The following COL6A5 variants were observed in gnomAD, a reference collection of about 807,000 sequenced individuals.
COL6A5 encodes collagen alpha-5(VI) chain.
In COL6A5, 48 loss-of-function variants were observed where a neutral mutation model predicts 65.6. The ratio of observed to expected loss-of-function variants is 0.73; its 90% CI spans 0.58 to 0.93. The LOEUF (loss-of-function observed/expected upper bound fraction) is 0.93. Ranked by LOEUF, COL6A5 falls within the 40% of genes least tolerant of loss-of-function variation. The pLI, the probability that COL6A5 is intolerant of heterozygous loss-of-function variation, is 0.00. For missense variants in COL6A5, 914 were observed against 928.3 expected (o/e 0.98, Z 0.20); for synonymous variants, 291 against 322.8 (o/e 0.90, Z 1.05).
chr3:130,413,943 C>A, intron 21 of COL6A5, 126 bp from the exon 22 acceptor site: 1 of 709,774 alleles, frequency 1.4e-6, no homozygotes, highest in Non-Finnish European at 2.4e-6. Context: ...AAATCCTAGG[C>A]CAAGTAGAGG....
rs143498997 is a variant in COL6A5, at chr3:130,356,022, T to G, written c.-29+10041T>G. 8.1e-3 allele frequency among the ~76,000 whole-genome samples: 1,234 copies of G among 152,280 alleles called. 9 individuals are homozygous for G. The highest frequency in any genetic ancestry group is 0.01 in the Non-Finnish European group (708 of 67,986). On this transcript the variant is annotated intron_variant and NMD_transcript_variant, in intron 1 of 41. Coordinates refer to the COL6A5 transcript ENST00000312481. ...AAAACTATATTAAATTGAGGTGTAG[T>G]GCATACTTTTTTCTGCCCTCCTCTT...
At chr3:130,470,101 C>A (rs1484718627) in intron 6 of COL6A5, among the ~76,000 whole-genome samples, 1 of 152,062 alleles carries the variant, frequency 6.6e-6, no homozygotes, top group Non-Finnish European at 1.5e-5. Context: ...GCCATAGGGA[C>A]AAATCTCCTC....
At chr3:130,421,728 C>T (rs1178299927) in intron 27 of COL6A5, among the ~76,000 whole-genome samples, 1 of 152,054 alleles carries the variant, frequency 6.6e-6, no homozygotes, top group Non-Finnish European at 1.5e-5. Context: ...TGAAAGATTA[C>T]AATATCCTTC....
At chr3:130,482,761 A>C (rs994933498) in intron 7 of COL6A5, among the ~76,000 whole-genome samples, 2 of 152,094 alleles carry the variant, frequency 1.3e-5, no homozygotes, top group Non-Finnish European at 2.9e-5. Flanking sequence ...CGTCCTTCAC[A>C]TCCCTTGTAA....
At position 130,455,558 on chromosome 3, in the gene COL6A5, G is replaced by C; in HGVS notation, c.1438G>C (p.Gly480Arg). The C allele has an allele frequency of 6.2e-7, 1 of 1,612,766 alleles. No individual in the cohort carries two copies. Among genetic ancestry groups the C allele is most frequent in the Non-Finnish European group, 8.5e-7 (1 of 1,179,180 alleles). ...ACCTTTTGTAAAGACGGAAGACAAT[G>C]GAAGTGACTATTTGGTTTACCTTCC... Residue 480 changes from glycine to arginine, a missense_variant, in exon 5 of 8, where the codon GGA becomes CGA. Transcript: ENST00000512836.
chr3:130,416,821 T>A lies in COL6A5; in HGVS notation c.4887+2T>A. 6.8e-7 allele frequency: 1 copy of A among 1,467,826 alleles called. No homozygotes were observed. The highest frequency in any genetic ancestry group is 9.2e-7 in the Non-Finnish European group (1 of 1,085,078). 90.9% of individuals were successfully genotyped at this position (1,467,826 alleles called of 1,614,324 possible). On this transcript the variant is annotated splice_donor_variant and NMD_transcript_variant, in intron 24 of 41. Coordinates refer to the COL6A5 transcript ENST00000312481. The stretch of plus-strand genomic sequence containing the variant: ...AGACCTGGACTTTTGGGGAAAAAAG[T>A]AGATATTATTTCTGTTTTTTAATTC...
At chr3:130,403,752 C>A (rs1335203940) in intron 13 of COL6A5, 90 bp downstream of exon 13, 3 of 1,021,852 alleles carry the variant, frequency 2.9e-6, no homozygotes, top group South Asian at 2.8e-5. Context: ...TTTTCTTTTT[C>A]ATAAAAAAAG....
chr3:130,421,232 C>T, intron 26 of COL6A5, 29 bp downstream of exon 26: 1 of 1,546,786 alleles, frequency 6.5e-7, no homozygotes, highest in Non-Finnish European at 8.8e-7. Context: ...TATTTTTATT[C>T]ATTGATGAAT....
intron 7 of COL6A5, 45 bp from the exon 8 acceptor site, chr3:130,394,845 C>A (rs144121100): frequency 4.9e-6 from 7 of 1,442,922 alleles, no homozygotes; most frequent in South Asian, 3.9e-5. Flanking sequence ...GGAAAAATTT[C>A]GAATGATTCA....
chr3:130,431,425 C>T (rs1164345265), upstream of COL6A5: 1 of 1,545,058 alleles, frequency 6.5e-7, no homozygotes, highest in Non-Finnish European at 8.7e-7. Context: ...GATTTTGATC[C>T]AGTGAAATAA....
chr3:130,443,480 A>C, exon 4 of COL6A5: 3 of 1,604,746 alleles, frequency 1.9e-6, no homozygotes, highest in Non-Finnish European at 2.6e-6. Flanking sequence ...CAATAGGGGG[A>C]TTCAATCAGT....
exon 8 of COL6A5, chr3:130,395,284 C>T: frequency 6.4e-7 from 1 of 1,551,512 alleles, no homozygotes; most frequent in Non-Finnish European, 8.7e-7. Flanking sequence ...CAGTAAAAAC[C>T]CTGAAGGACC....
chr3:130,409,427 T>C, intron 18 of COL6A5, 39 bp downstream of exon 18: 1 of 1,489,938 alleles, frequency 6.7e-7, no homozygotes. Context: ...AATTTTATAC[T>C]TGCTCCACAG....
chr3:130,393,102 G>T (rs73868763), intron 7 of COL6A5, among the ~76,000 whole-genome samples: 37,955 of 148,276 alleles, frequency 0.26, 6,037 homozygotes, highest in East Asian at 0.6. Context: ...GTGTGTGTGT[G>T]TTTTTCTTGG....
At chr3:130,380,128 A>C in intron 4 of COL6A5, 78 bp downstream of exon 4, 1 of 1,072,898 alleles carries the variant, frequency 9.3e-7, no homozygotes, top group South Asian at 1.9e-5. Context: ...AGTGAGGATC[A>C]ACTGTAATTG....
chr3:130,422,472 G>C (rs1379472351), intron 27 of COL6A5, among the ~76,000 whole-genome samples: 1 of 151,670 alleles, frequency 6.6e-6, no homozygotes, highest in Non-Finnish European at 1.5e-5. Context: ...CGTAGTAACT[G>C]GATGACCACT....
intron 3 of COL6A5, among the ~76,000 whole-genome samples, chr3:130,441,723 A>T (rs1709185496): frequency 1.3e-5 from 2 of 152,164 alleles, no homozygotes; most frequent in Non-Finnish European, 2.9e-5. Context: ...TGGGGATGCT[A>T]CTAGTATCAA....
chr3:130,482,395 T>C (rs1441446024), intron 7 of COL6A5, among the ~76,000 whole-genome samples: 2 of 152,192 alleles, frequency 1.3e-5, no homozygotes, highest in South Asian at 2.1e-4. Flanking sequence ...TTCTGTTCCA[T>C]TGGTCTATAT....
chr3:130,438,101 G>A (rs961490842), intron 1 of COL6A5, among the ~76,000 whole-genome samples: 4 of 152,028 alleles, frequency 2.6e-5, no homozygotes, highest in Admixed American at 1.3e-4. Context: ...TGGTTCAAGC[G>A]ATTCTTCAGC....
Sources: allele counts gnomAD v4.1 joint callset (sites outside exome capture counted in the v4.1 genomes callset), GRCh38; gene constraint gnomAD v4.1.1; transcripts MANE v1.5; gene names NCBI Gene and HGNC (gene_info 2026-07-23, HGNC 2026-07-21).